Variants in KCNMB2 observed in about 807,000 individuals in gnomAD.
KCNMB2 encodes calcium-activated potassium channel subunit beta-2.
In KCNMB2, 9 loss-of-function variants were observed where a neutral mutation model predicts 24.5. That is an observed-to-expected ratio of 0.37 (90% CI 0.22 to 0.64). KCNMB2 has a LOEUF of 0.64. Ranked by LOEUF, KCNMB2 falls within the 30% of genes least tolerant of loss-of-function variation. KCNMB2 has a pLI of 0.63. For synonymous variants in KCNMB2, 109 were observed against 104.4 expected (o/e 1.04, Z -0.27); for missense variants, 226 against 284.3 (o/e 0.79, Z 1.47).
chr3:178,561,933 T>C (rs1429614567), intron 1 of KCNMB2, among the ~76,000 whole-genome samples: 1 of 152,242 alleles, frequency 6.6e-6, no homozygotes, highest in Non-Finnish European at 1.5e-5. Context: ...TAGAACTTTC[T>C]CAATTTTAAT....
chr3:178,683,552 A>T (rs951237468), intron 1 of KCNMB2, among the ~76,000 whole-genome samples: 1 of 152,186 alleles, frequency 6.6e-6, no homozygotes, highest in East Asian at 1.9e-4. Context: ...GATATTTTAC[A>T]TTCTTTTTAT....
chr3:178,696,575 T>G (rs892782412), intron 1 of KCNMB2, among the ~76,000 whole-genome samples: 1 of 152,206 alleles, frequency 6.6e-6, no homozygotes, highest in African/African-American at 2.4e-5. Context: ...ATACTTTGAA[T>G]GTATTTTCAT....
intron 1 of KCNMB2, among the ~76,000 whole-genome samples, chr3:178,595,359 T>A (rs754843181): frequency 1.2e-4 from 19 of 152,084 alleles, no homozygotes; most frequent in Non-Finnish European, 2.1e-4. Flanking sequence ...ATCCTGGTAG[T>A]CCAAGTGACT....
At chr3:178,601,448 G>A (rs893567466) in intron 1 of KCNMB2, among the ~76,000 whole-genome samples, 10 of 152,176 alleles carry the variant, frequency 6.6e-5, no homozygotes, top group Admixed American at 1.3e-4. Context: ...ATGTGGCCCC[G>A]TGAGGGGTTT....
At chr3:178,667,109 CCATGGACATGGGGGGT>C (rs1212926340) in intron 1 of KCNMB2, among the ~76,000 whole-genome samples, 3 of 151,646 alleles carry the variant, frequency 2.0e-5, no homozygotes, top group Non-Finnish European at 4.4e-5. Context: ...CATTTTTAAT[CCATGGACATGGGGGGT>C]CAAGTGTACT....
At chr3:178,665,078 G>T (rs1460745224) in intron 1 of KCNMB2, among the ~76,000 whole-genome samples, 1 of 151,998 alleles carries the variant, frequency 6.6e-6, no homozygotes, top group Non-Finnish European at 1.5e-5. Context: ...CTCCCAAAAG[G>T]TGTAAAATTC....
At chr3:178,671,415 C>A (rs775855541) in intron 1 of KCNMB2, among the ~76,000 whole-genome samples, 1 of 152,164 alleles carries the variant, frequency 6.6e-6, no homozygotes, top group Non-Finnish European at 1.5e-5. Context: ...TCCAAACACA[C>A]CACTACTGCC....
At chr3:178,574,368 T>A (rs953472112) in intron 1 of KCNMB2, among the ~76,000 whole-genome samples, 2 of 152,262 alleles carry the variant, frequency 1.3e-5, no homozygotes, top group Non-Finnish European at 2.9e-5. Context: ...AAGTGAGCCT[T>A]ATTCCTTCCG....
intron 1 of KCNMB2, chr3:178,748,203 T>C (rs375604884): frequency 6.6e-6 from 1 of 152,238 alleles, no homozygotes; most frequent in African/African-American, 2.4e-5. Context: ...CAAAATTATA[T>C]TCAACAATAG....
chr3:178,758,504 ATATATATC>A (rs1317897570), intron 1 of KCNMB2, among the ~76,000 whole-genome samples: 1 of 53,378 alleles, frequency 1.9e-5, no homozygotes, highest in Non-Finnish European at 3.2e-5. Context: ...ATATATATAT[ATATATATC>A]TCCAAGAGGA....
At chr3:178,658,724 C>T (rs1262410772) in intron 1 of KCNMB2, among the ~76,000 whole-genome samples, 1 of 152,176 alleles carries the variant, frequency 6.6e-6, no homozygotes, top group Non-Finnish European at 1.5e-5. Context: ...TTTACTTCAT[C>T]CAGACTCCTC....
chr3:178,745,335 T>A (rs1352457774), intron 1 of KCNMB2, among the ~76,000 whole-genome samples: 1 of 152,086 alleles, frequency 6.6e-6, no homozygotes, highest in Non-Finnish European at 1.5e-5. Context: ...ATAGGAGAAC[T>A]CCCCCTTATA....
In KCNMB2 at chr3:178,721,941, T is replaced by C. The variant is rs899629774; in HGVS notation, c.-67-85402T>C. Among the ~76,000 whole-genome samples the C allele has an allele frequency of 6.6e-5, 10 of 152,356 alleles. 1 individual carries two copies. The highest frequency in any genetic ancestry group is 2.2e-4 in the African/African-American group (9 of 41,594). ...AAATTTTGAATTTTTAGAATTTTTT[T>C]ACACATCCTTCTTACAAGTCCTTTG... is the stretch of plus-strand genomic sequence containing the variant. On this transcript the variant is annotated intron_variant, in intron 1 of 4. Transcript: ENST00000452583.
chr3:178,590,367 T>C (rs1717621135), intron 1 of KCNMB2, among the ~76,000 whole-genome samples: 1 of 152,154 alleles, frequency 6.6e-6, no homozygotes, highest in South Asian at 2.1e-4. Flanking sequence ...TAGTTGACAT[T>C]GGATTTAGAG....
intron 1 of KCNMB2, among the ~76,000 whole-genome samples, chr3:178,571,463 T>G (rs1300389617): frequency 1.7e-5 from 2 of 118,224 alleles, no homozygotes; most frequent in South Asian, 2.5e-4. Flanking sequence ...TATATATATA[T>G]ATATATATAT....
chr3:178,648,759 T>C (rs997643757), intron 1 of KCNMB2, among the ~76,000 whole-genome samples: 1 of 152,230 alleles, frequency 6.6e-6, no homozygotes, highest in Non-Finnish European at 1.5e-5. Flanking sequence ...CATATAAGTC[T>C]GTTAAAGATT....
intron 1 of KCNMB2, among the ~76,000 whole-genome samples, chr3:178,661,576 A>G (rs1430420207): frequency 1.3e-5 from 2 of 152,182 alleles, no homozygotes; most frequent in Non-Finnish European, 2.9e-5. Context: ...GCTGTGTTCC[A>G]GTAAAACTTT....
intron 4 of KCNMB2, among the ~76,000 whole-genome samples, chr3:178,833,500 A>G (rs1178016067): frequency 1.3e-5 from 2 of 152,198 alleles, no homozygotes; most frequent in African/African-American, 4.8e-5. Flanking sequence ...AACCATCTTC[A>G]TGCAAAATGA....
chr3:178,706,486 T>A (rs1722281932), intron 1 of KCNMB2, among the ~76,000 whole-genome samples: 1 of 152,106 alleles, frequency 6.6e-6, no homozygotes, highest in Non-Finnish European at 1.5e-5. Context: ...TCCCAATGGG[T>A]GCAGATGACA....
Sources: allele counts gnomAD v4.1 joint callset (sites outside exome capture counted in the v4.1 genomes callset), GRCh38; gene constraint gnomAD v4.1.1; transcripts MANE v1.5; gene names NCBI Gene and HGNC (gene_info 2026-07-23, HGNC 2026-07-21).